KANK4: variants seen among roughly 807,000 people sequenced by gnomAD.
KANK4 encodes the protein KN motif and ankyrin repeat domains 4, also known as KN motif and ankyrin repeat domain-containing protein 4.
KANK4 carries 50 observed loss-of-function variants against 80.8 expected under a neutral mutation model. That is an observed-to-expected ratio of 0.62 (90% CI 0.49 to 0.78). The LOEUF (loss-of-function observed/expected upper bound fraction) is 0.78, where lower values mean the gene tolerates loss of function less well. Ranked by LOEUF, KANK4 falls within the 30% of genes least tolerant of loss-of-function variation. The pLI is 0.00. For synonymous variants in KANK4, 465 were observed against 506.9 expected (o/e 0.92, Z 1.11); for missense variants, 1,196 against 1,240.1 (o/e 0.96, Z 0.53).
intron 4 of KANK4, among the ~76,000 whole-genome samples, chr1:62,269,608 G>A (rs1672111108): frequency 6.6e-6 from 1 of 152,106 alleles, no homozygotes; most frequent in Non-Finnish European, 1.5e-5. Context: ...ACTTTGCCTG[G>A]AAGTTCACTT....
chr1:62,267,572 C>G (rs1322425588), intron 5 of KANK4, among the ~76,000 whole-genome samples: 1 of 152,182 alleles, frequency 6.6e-6, no homozygotes, highest in Admixed American at 6.5e-5. Flanking sequence ...GAGGCTGAGG[C>G]GGGTGGATCA....
Position 62,250,724 on chromosome 1 carries a change from G to A in KANK4, c.2682+2343C>T, listed in dbSNP as rs200812480. ...AGGGACAATTTAGAAAATAATTAAC[G>A]TATTTATGGGAAACATTAGTTAAAA... On this transcript the variant is annotated intron_variant, in intron 8 of 9. Transcript: ENST00000371153. Among the ~76,000 whole-genome samples the A allele has an allele frequency of 2.0e-5, 3 of 151,902 alleles. No homozygotes were observed. In the East Asian group the frequency reaches 5.8e-4, roughly 29 times the overall value.
chr1:62,283,250 C>G (rs1257264014), intron 1 of KANK4, among the ~76,000 whole-genome samples: 2 of 152,206 alleles, frequency 1.3e-5, no homozygotes, highest in African/African-American at 2.4e-5. Context: ...CCCTCTCCCT[C>G]CCACCCCTGT....
chr1:62,274,499 C>G lies in KANK4; in HGVS notation c.605G>C (p.Gly202Ala). 1 of 1,614,206 alleles carries G rather than the reference C, an allele frequency of 6.2e-7. No homozygotes were observed. Among genetic ancestry groups the G allele is most frequent in the South Asian group, 1.1e-5 (1 of 91,084 alleles). Residue 202 changes from glycine to alanine, a missense_variant, in exon 3 of 10, where the codon GGC (glycine) becomes GCC (alanine). By Grantham distance (60) the Gly-to-Ala change is moderately conservative. Transcript: ENST00000371153. ...CAATCCTTCTGCAGGTTCAAAGGTGCCATCACAGACACTGCCTTCACCCTG... is the reference window on the plus strand; with the variant it reads ...CAATCCTTCTGCAGGTTCAAAGGTGGCATCACAGACACTGCCTTCACCCTG... Reference protein sequence around the residue: ...PLQGEGSVCDGTFEPAEGLAG... With the variant: ...PLQGEGSVCDATFEPAEGLAG...
At chr1:62,288,507 C>G (rs1371915395) in intron 1 of KANK4, among the ~76,000 whole-genome samples, 6 of 152,196 alleles carry the variant, frequency 3.9e-5, no homozygotes, top group Non-Finnish European at 8.8e-5. Flanking sequence ...AATAGAGCCT[C>G]TCTGAGCAGA....
intron 1 of KANK4, among the ~76,000 whole-genome samples, chr1:62,295,806 G>A (rs2765267): frequency 0.39 from 59,124 of 152,184 alleles, 12,276 homozygotes; most frequent in East Asian, 0.78. Context: ...CAGTTTAAAT[G>A]TGGAATAATG....
At chr1:62,302,218 G>A (rs2149167474) in intron 1 of KANK4, among the ~76,000 whole-genome samples, 1 of 152,072 alleles carries the variant, frequency 6.6e-6, no homozygotes, top group East Asian at 1.9e-4. Flanking sequence ...GGAGAGAAAG[G>A]GACAGTAGCT....
intron 9 of KANK4, among the ~76,000 whole-genome samples, chr1:62,244,699 G>C (rs1171577675): frequency 6.6e-6 from 1 of 152,108 alleles, no homozygotes; most frequent in Non-Finnish European, 1.5e-5. Context: ...AAATTGCCCA[G>C]TCTCGGGTAT....
chr1:62,281,627 T>C lies in KANK4; in HGVS notation c.-63A>G. On this transcript the variant is annotated 5_prime_UTR_variant, in exon 2 of 10. Coordinates refer to ENST00000371153, the MANE Select transcript of KANK4 (RefSeq NM_181712.5). Reference sequence around the variant, plus strand: ...CATCCAATGAGTCTGTAAAACTTGTTGAAGGTTCTGAAAGAAAGGAGGATA... The same window carrying C: ...CATCCAATGAGTCTGTAAAACTTGTCGAAGGTTCTGAAAGAAAGGAGGATA... The C allele has an allele frequency of 6.3e-7, 1 of 1,590,010 alleles. No individual in the cohort carries two copies. The highest frequency in any genetic ancestry group is 8.6e-7 in the Non-Finnish European group (1 of 1,157,974).
At chr1:62,270,996 C>A (rs1396955145) in intron 4 of KANK4, among the ~76,000 whole-genome samples, 1 of 152,124 alleles carries the variant, frequency 6.6e-6, no homozygotes, top group Non-Finnish European at 1.5e-5. Flanking sequence ...ATCAAACATT[C>A]AATTCTATAG....
intron 1 of KANK4, among the ~76,000 whole-genome samples, chr1:62,283,006 A>T (rs949181481): frequency 1.3e-5 from 2 of 152,128 alleles, no homozygotes; most frequent in Non-Finnish European, 2.9e-5. Flanking sequence ...GACGGTGGAG[A>T]GGTGTGGAAG....
Position 62,274,305 on chromosome 1 carries a change from C to A in KANK4, c.799G>T (p.Glu267Ter). Residue 267 changes from glutamate (E) to a stop codon, truncating the protein, a stop_gained, in exon 3 of 10, where the codon GAA becomes TAA. Coordinates refer to ENST00000371153, the MANE Select transcript of KANK4 (RefSeq NM_181712.5). LOFTEE classifies it high-confidence loss of function. The part of the protein sequence containing the change: ...VLVVLEDKED[E>*]HNAREAEVLF... ...ACCTCTGCTTCTCTGGCATTGTGTT[C>A]ATCTTCCTTGTCCTCTAGAACTACA... 6.2e-7 allele frequency: 1 copy of A among 1,614,120 alleles called. No homozygotes were observed. The highest frequency in any genetic ancestry group is 1.1e-5 in the South Asian group (1 of 91,040).
At chr1:62,253,267 A>G in intron 7 of KANK4, 58 bp from the exon 8 acceptor site, 1 of 1,532,414 alleles carries the variant, frequency 6.5e-7, no homozygotes. Context: ...GCCAGACTCC[A>G]CTTTAGCCGT....
At chr1:62,292,350 G>A (rs528783871) in intron 1 of KANK4, among the ~76,000 whole-genome samples, 1 of 152,244 alleles carries the variant, frequency 6.6e-6, no homozygotes, top group Non-Finnish European at 1.5e-5. Flanking sequence ...CACGCAGGAG[G>A]TATGGCAAGT....
At position 62,236,496 on chromosome 1, in the gene KANK4, T is replaced by C. The variant is rs916808741; in HGVS notation, c.*1781A>G. Among the ~76,000 whole-genome samples the C allele has an allele frequency of 6.6e-6, 1 of 152,142 alleles. No individual in the cohort carries two copies. Among genetic ancestry groups the C allele is most frequent in the Non-Finnish European group, 1.5e-5 (1 of 68,032 alleles). On this transcript the variant is annotated 3_prime_UTR_variant, in exon 10 of 10. Transcript: ENST00000371153. Reference sequence around the variant, plus strand: ...CTCTGAGTTGCATCAACACATGTCATTGTGTTCTGGGACTCTGAGCCTCTC... The same window carrying C: ...CTCTGAGTTGCATCAACACATGTCACTGTGTTCTGGGACTCTGAGCCTCTC...
intron 2 of KANK4, among the ~76,000 whole-genome samples, chr1:62,279,489 AG>A (rs1253418740): frequency 1.3e-5 from 2 of 152,254 alleles, no homozygotes; most frequent in Non-Finnish European, 2.9e-5. Context: ...AATGAAATTC[AG>A]ATCAAATAAA....
chr1:62,236,973 G>GA lies in KANK4; in HGVS notation c.*1303_*1304insT, dbSNP rs1389354383. ...GGAGGTAGGTTGTATGACAATTTCTGTTTTTAGAGATGATGAAATTGCGGC... is the reference window on the plus strand; with the variant it reads ...GGAGGTAGGTTGTATGACAATTTCTGATTTTTAGAGATGATGAAATTGCGGC... On this transcript the variant is annotated 3_prime_UTR_variant, in exon 10 of 10. Transcript: ENST00000371153. 2 of 152,080 alleles carry GA rather than the reference G, an allele frequency of 1.3e-5. No homozygotes were observed. Among genetic ancestry groups the GA allele is most frequent in the Non-Finnish European group, 2.9e-5 (2 of 68,032 alleles). 9.4% of individuals were successfully genotyped at this position (152,080 alleles called of 1,614,324 possible). A position where few individuals can be genotyped will look rare whatever the true frequency, so the allele number is the denominator to read the frequency against.
intron 1 of KANK4, among the ~76,000 whole-genome samples, chr1:62,286,054 A>G (rs374040403): frequency 2.8e-4 from 42 of 152,118 alleles, no homozygotes; most frequent in African/African-American, 1.0e-3. Flanking sequence ...GTCCTGCTCA[A>G]TAAATGACAC....
chr1:62,254,019 T>C (rs914552095), intron 7 of KANK4, among the ~76,000 whole-genome samples: 7 of 152,180 alleles, frequency 4.6e-5, no homozygotes, highest in African/African-American at 1.7e-4. Flanking sequence ...TAGCTCACGT[T>C]TGTGTGTAAC....
Sources: allele counts gnomAD v4.1 joint callset (sites outside exome capture counted in the v4.1 genomes callset), GRCh38; gene constraint gnomAD v4.1.1; transcripts MANE v1.5; gene names NCBI Gene and HGNC (gene_info 2026-07-23, HGNC 2026-07-21).